The following ABR variants were observed in gnomAD, a reference collection of about 807,000 sequenced individuals.
ABR encodes the protein ABR activator of RhoGEF and GTPase.
In ABR, 35 loss-of-function variants were observed where a neutral mutation model predicts 107.2. The ratio of observed to expected loss-of-function variants is 0.33; its 90% CI spans 0.25 to 0.43. The LOEUF is 0.43. ABR is among the 20% of genes least tolerant of loss of function. ABR has a pLI of 1.00. For synonymous variants in ABR, 498 were observed against 462.0 expected (o/e 1.08, Z -1.00); for missense variants, 815 against 1,115.2 (o/e 0.73, Z 3.83).
At chr17:1,020,043 C>A (rs2071495899) in intron 16 of ABR, among the ~76,000 whole-genome samples, 1 of 152,146 alleles carries the variant, frequency 6.6e-6, no homozygotes, top group Admixed American at 6.5e-5. Context: ...CAGGGGTCGA[C>A]GACTGGGCCG....
Position 1,179,533 on chromosome 17 carries a change from G to T in ABR, c.61+134C>A. 1 of 903,576 alleles carries T rather than the reference G, an allele frequency of 1.1e-6. No individual in the cohort carries two copies. Among genetic ancestry groups the T allele is most frequent in the Non-Finnish European group, 1.5e-6 (1 of 679,868 alleles). 56.0% of individuals were successfully genotyped at this position (903,576 alleles called of 1,614,324 possible). A position where few individuals can be genotyped will look rare whatever the true frequency, so the allele number is the denominator to read the frequency against. On this transcript the variant is annotated intron_variant, in intron 1 of 22. Coordinates refer to ENST00000302538, the MANE Select transcript of ABR (RefSeq NM_021962.5). This position sits in a 1 kb window ranked among gnomAD's most constrained non-coding sequence, Gnocchi z 4.9. ...CCGGACCCCGATCTCGCCCCCGCCC[G>T]CGCTCCCCGGACCAGCCCGGTGCCT...
chr17:1,015,613 C>T (rs976848632), intron 16 of ABR, among the ~76,000 whole-genome samples: 157 of 151,902 alleles, frequency 1.0e-3, no homozygotes, highest in African/African-American at 3.5e-3. Flanking sequence ...CACACAACCA[C>T]ACCCGGCTAA....
chr17:1,113,276 C>CG (rs1406175093), intron 2 of ABR, among the ~76,000 whole-genome samples: 15,626 of 80,474 alleles, frequency 0.19, 4,141 homozygotes, highest in African/African-American at 0.29. Context: ...ACACCTATTG[C>CG]GATTTTTTTT....
At chr17:1,143,476 G>C (rs1156517767) in intron 1 of ABR, among the ~76,000 whole-genome samples, 1 of 123,416 alleles carries the variant, frequency 8.1e-6, no homozygotes, top group African/African-American at 3.1e-5. Flanking sequence ...CTCATTCCTG[G>C]GGGGCAGCTC....
At chr17:1,155,991 A>C (rs1240332888) in intron 1 of ABR, 1 of 146,806 alleles carries the variant, frequency 6.8e-6, no homozygotes, top group Non-Finnish European at 1.5e-5. Flanking sequence ...GGTGGCAGGT[A>C]GGTGGGTGAC....
At chr17:1,079,255 C>T (rs2036014289) in intron 6 of ABR, 75 bp downstream of exon 6, 3 of 1,553,090 alleles carry the variant, frequency 1.9e-6, no homozygotes, top group East Asian at 2.4e-5. Context: ...GGAAGGGCGC[C>T]GCGTTCACGC....
At chr17:1,212,183 C>T (rs2042916136) in intron 1 of ABR, among the ~76,000 whole-genome samples, 1 of 151,806 alleles carries the variant, frequency 6.6e-6, no homozygotes, top group Non-Finnish European at 1.5e-5. Flanking sequence ...AGTCCCAGTA[C>T]TTTGGGAGGC....
chr17:1,083,673 G>A, intron 4 of ABR, 46 bp from the exon 5 acceptor site: 1 of 1,430,468 alleles, frequency 7.0e-7, no homozygotes, highest in Non-Finnish European at 9.9e-7. Flanking sequence ...GGTGGGAGGG[G>A]AGAGGATTAA....
At chr17:1,224,532 TA>T (rs1238640223) in intron 1 of ABR, among the ~76,000 whole-genome samples, 1 of 152,088 alleles carries the variant, frequency 6.6e-6, no homozygotes, top group African/African-American at 2.4e-5. Context: ...TGAATGCAGA[TA>T]ATGAGTGTGA....
At position 1,150,576 on chromosome 17, in the gene ABR, CCT is replaced by C. The variant is rs2040751437; in HGVS notation, c.62-25211_62-25210del. ...CCCGGGCATGGCAAGCGCACTGCCC[CCT>C]CTCACTCCTCCGGCGGCCGCCGTCC... On this transcript the variant is annotated intron_variant, in intron 1 of 22. Coordinates refer to ENST00000302538, the MANE Select transcript of ABR (RefSeq NM_021962.5). This position sits in a 1 kb window ranked among gnomAD's most constrained non-coding sequence, Gnocchi z 4.8. 6.6e-6 allele frequency among the ~76,000 whole-genome samples: 1 copy of C among 152,150 alleles called. No homozygotes were observed. Among genetic ancestry groups the C allele is most frequent in the South Asian group, 2.1e-4 (1 of 4,824 alleles).
intron 5 of ABR, among the ~76,000 whole-genome samples, chr17:1,081,769 G>A (rs78704055): frequency 0.028 from 4,238 of 152,028 alleles, 133 homozygotes; most frequent in East Asian, 0.16. Flanking sequence ...TAGAGACGGC[G>A]TTTCGCCACG....
chr17:1,172,952 CCCCCCCATCACCTCA>C (rs1567857217), intron 1 of ABR, among the ~76,000 whole-genome samples: 4 of 33,698 alleles, frequency 1.2e-4, no homozygotes, highest in Non-Finnish European at 1.4e-3. Flanking sequence ...GGTAATCCAC[CCCCCCCATCACCTCA>C]GCCCACCCAA....
At chr17:1,042,775 G>A (rs1313531612) in intron 16 of ABR, among the ~76,000 whole-genome samples, 3 of 149,674 alleles carry the variant, frequency 2.0e-5, no homozygotes, top group African/African-American at 7.4e-5. Context: ...ATAAACAGAT[G>A]TGGCACCTAT....
chr17:1,202,889 C>CT (rs11403936), intron 1 of ABR, among the ~76,000 whole-genome samples: 86,865 of 145,142 alleles, frequency 0.6, 26,414 homozygotes, highest in East Asian at 0.85. Context: ...TTTGCCATTA[C>CT]TTTTTTTTTT....
In ABR at chr17:1,100,701, A is replaced by G; in HGVS notation, c.281T>C (p.Leu94Pro). The G allele has an allele frequency of 6.2e-7, 1 of 1,614,142 alleles. No individual in the cohort carries two copies. The highest frequency in any genetic ancestry group is 8.5e-7 in the Non-Finnish European group (1 of 1,180,020). Residue 94 changes from leucine to proline, a missense_variant, in exon 3 of 23, where the codon CTG becomes CCG. Physicochemically the swap from Leu to Pro is moderately conservative, Grantham distance 98. This residue lies in a region of ABR where 385 missense variants were observed against 596.9 expected (regional missense o/e 0.64). Transcript: ENST00000302538. ...EAGKGLEMRK[L>P]VLSGFLASEE... ...GCTGGCCAAGAACCCCGAGAGAACCAGCTTCCTCATCTCCAGGCCTTTCCC... is the reference window on the plus strand; with the variant it reads ...GCTGGCCAAGAACCCCGAGAGAACCGGCTTCCTCATCTCCAGGCCTTTCCC...
At chr17:1,013,843 G>A (rs1008427151) in intron 16 of ABR, among the ~76,000 whole-genome samples, 22 of 152,150 alleles carry the variant, frequency 1.4e-4, no homozygotes, top group Admixed American at 3.3e-4. Context: ...AGGGAGGTGC[G>A]GACCCCAGGG....
chr17:1,138,479 G>T (rs1453893835), intron 1 of ABR, among the ~76,000 whole-genome samples: 1 of 151,814 alleles, frequency 6.6e-6, no homozygotes, highest in East Asian at 1.9e-4. Context: ...TTTGATTTTT[G>T]TTTTTTGTTT....
Position 1,058,726 on chromosome 17 carries a change from C to G in ABR, c.1305+19G>C. 6.2e-7 allele frequency: 1 copy of G among 1,613,292 alleles called. No individual in the cohort carries two copies. The highest frequency in any genetic ancestry group is 2.2e-5 in the East Asian group (1 of 44,858). On this transcript the variant is annotated intron_variant, in intron 11 of 22. Coordinates refer to ENST00000302538, the MANE Select transcript of ABR (RefSeq NM_021962.5). ...ACTAAGGAAGGGGCTGTCTTGGTCC[C>G]ACCCCCACCCATCCTGACCTTTCCA...
At chr17:1,165,901 A>T (rs1156587380) in intron 1 of ABR, among the ~76,000 whole-genome samples, 2 of 151,812 alleles carry the variant, frequency 1.3e-5, no homozygotes, top group Non-Finnish European at 2.9e-5. Context: ...CAGGGCGTAG[A>T]CCCCCAGTGC....
Sources: gnomAD v4.1 joint callset for allele counts (sites outside exome capture counted in the v4.1 genomes callset) on GRCh38, gnomAD v4.1.1 for gene constraint, gnomAD v4.1.1 regional missense constraint, Gnocchi (gnomAD v3.1) non-coding constraint, MANE v1.5 for transcripts, NCBI Gene and HGNC (gene_info 2026-07-23, HGNC 2026-07-21) for gene names.